SLC66A1: variants seen among roughly 807,000 people sequenced by gnomAD.
The protein encoded by SLC66A1 is lysosomal amino acid transporter 1 homolog.
SLC66A1 carries 23 observed loss-of-function variants against 33.0 expected under a neutral mutation model. The ratio of observed to expected loss-of-function variants is 0.70; its 90% CI spans 0.50 to 0.99. The LOEUF is 0.99. Among genes scored for constraint, SLC66A1 ranks in the 50% least tolerant of loss-of-function variants. The pLI, the probability that SLC66A1 is intolerant of heterozygous loss-of-function variation, is 0.00. For missense variants in SLC66A1, 335 were observed against 383.6 expected, an observed-to-expected ratio of 0.87 and a Z score of 1.06; for synonymous variants, 164 against 175.5, an observed-to-expected ratio of 0.93 and a Z score of 0.52.
In SLC66A1 at chr1:19,317,911, C is replaced by T. The variant is rs2093814426; in HGVS notation, c.164+70C>T. 6 of 1,559,334 alleles carry T rather than the reference C, an allele frequency of 3.8e-6. No homozygotes were observed. In the East Asian group the frequency reaches 6.8e-5, roughly 18 times the overall value. ...TGAGGCAGTGGCTCCAGCTACTGCT[C>T]AGCGAGGGGTTGTCTGGTGGGCCAC... On this transcript the variant is annotated intron_variant, in intron 2 of 7. Coordinates refer to ENST00000375153, the MANE Select transcript of SLC66A1 (RefSeq NM_001040125.2).
chr1:19,328,789 A>C lies in SLC66A1; in HGVS notation c.*146A>C, dbSNP rs1441383379. 2.3e-6 allele frequency: 2 copies of C among 856,346 alleles called. No homozygotes were observed. Among genetic ancestry groups the C allele is most frequent in the Non-Finnish European group, 3.6e-6 (2 of 550,544 alleles). The allele number at this position is 856,346 out of a possible 1,614,324, so 53.0% of individuals were successfully genotyped here. ...CGTGGACCGAACCGTCCCCCCAGGAACACACCTTCAGGTAGACCCCGAAGC... is the reference window on the plus strand; with the variant it reads ...CGTGGACCGAACCGTCCCCCCAGGACCACACCTTCAGGTAGACCCCGAAGC... On this transcript the variant is annotated 3_prime_UTR_variant, in exon 8 of 8. Transcript: ENST00000375153. This position sits in a 1 kb window ranked among gnomAD's most constrained non-coding sequence, Gnocchi z 4.7.
In SLC66A1 at chr1:19,328,993, G is replaced by A. The variant is rs942026508; in HGVS notation, c.*350G>A. 45 of 338,730 alleles carry A rather than the reference G, an allele frequency of 1.3e-4. No homozygotes were observed. Among genetic ancestry groups the A allele is most frequent in the South Asian group, 2.3e-4 (6 of 26,610 alleles). The allele number at this position is 338,730 out of a possible 1,614,324, so 21.0% of individuals were successfully genotyped here. On this transcript the variant is annotated 3_prime_UTR_variant, in exon 8 of 8. Coordinates refer to ENST00000375153, the MANE Select transcript of SLC66A1 (RefSeq NM_001040125.2). The surrounding 1 kb of genome is among the most constrained non-coding windows in gnomAD (Gnocchi z 4.7). ...ATAAACAGGCCGGGTACAGTGGCTC[G>A]CACCTGTAATCCTAGCACTTTGGGA...
At chr1:19,324,603 C>T in intron 2 of SLC66A1, 30 bp from the exon 3 acceptor site, 1 of 1,613,434 alleles carries the variant, frequency 6.2e-7, no homozygotes, top group East Asian at 2.2e-5. Flanking sequence ...GTGGCCTGAG[C>T]ATGCATCCCT....
At chr1:19,325,603 C>G (rs1558151888) in intron 4 of SLC66A1, 21 bp downstream of exon 4, 1 of 1,399,664 alleles carries the variant, frequency 7.1e-7, no homozygotes, top group South Asian at 1.1e-5. Context: ...GGACCGCTCT[C>G]TGTCAGATGC....
downstream of SLC66A1, among the ~76,000 whole-genome samples, chr1:19,330,948 G>C (rs577281076): frequency 1.3e-5 from 2 of 152,364 alleles, no homozygotes; most frequent in South Asian, 2.1e-4. Context: ...GCCATGTGCG[G>C]GCTGCGCCGC....
Position 19,312,861 on chromosome 1 carries a change from A to C in SLC66A1, c.-107A>C, listed in dbSNP as rs916717588. The C allele has an allele frequency of 6.5e-6, 1 of 152,810 alleles. No individual in the cohort carries two copies. Among genetic ancestry groups the C allele is most frequent in the African/African-American group, 2.4e-5 (1 of 41,472 alleles). The allele number at this position is 152,810 out of a possible 1,614,324, so 9.5% of individuals were successfully genotyped here. On this transcript the variant is annotated 5_prime_UTR_variant, in exon 1 of 8. Coordinates refer to ENST00000375153, the MANE Select transcript of SLC66A1 (RefSeq NM_001040125.2). Reference sequence around the variant, plus strand: ...CCAGGTCTGCAGGGACCGAGGGCCTACACTGCCTCCTCCCACGCCGTGCTT... The same window carrying C: ...CCAGGTCTGCAGGGACCGAGGGCCTCCACTGCCTCCTCCCACGCCGTGCTT...
intron 2 of SLC66A1, among the ~76,000 whole-genome samples, chr1:19,319,146 C>T (rs917600808): frequency 6.6e-6 from 1 of 152,208 alleles, no homozygotes; most frequent in Non-Finnish European, 1.5e-5. Context: ...GGAGAGAATT[C>T]GCATTTCATG....
chr1:19,333,210 G>T (rs2152020826), downstream of SLC66A1, among the ~76,000 whole-genome samples: 1 of 152,202 alleles, frequency 6.6e-6, no homozygotes, highest in East Asian at 1.9e-4. The surrounding 1 kb of genome is among the most constrained non-coding windows in gnomAD (Gnocchi z 4.2). Context: ...ATCAAACCTG[G>T]TTTTTTGTTT....
rs2093868405 is a variant in SLC66A1 at position 19,326,556 on chromosome 1, G to A, written c.551G>A (p.Gly184Asp). The A allele has an allele frequency of 6.2e-7, 1 of 1,614,094 alleles. No homozygotes were observed. Among genetic ancestry groups the A allele is most frequent in the South Asian group, 1.1e-5 (1 of 91,088 alleles). Reference sequence around the variant, plus strand: ...CCCTTCACCCGGCAGGAAGTCATTGGCTTCGTCATCGGCTCCATCTCCAGC... The same window carrying A: ...CCCTTCACCCGGCAGGAAGTCATTGACTTCGTCATCGGCTCCATCTCCAGC... The part of the protein sequence containing the change: ...SKPFTRQEVI[G>D]FVIGSISSVL... The change falls in exon 6 of 8, where the codon GGC becomes GAC. Residue 184 changes from glycine to aspartate, a missense_variant. By Grantham distance (94) the Gly-to-Asp change is moderately conservative. Transcript: ENST00000375153.
chr1:19,323,278 G>A (rs1366092641), intron 2 of SLC66A1, among the ~76,000 whole-genome samples: 2 of 152,198 alleles, frequency 1.3e-5, no homozygotes, highest in East Asian at 3.8e-4. Flanking sequence ...TCTGAAAGGA[G>A]GGAGGCTTGT....
chr1:19,325,472 TG>T, intron 3 of SLC66A1, 22 bp from the exon 4 acceptor site: 1 of 1,554,388 alleles, frequency 6.4e-7, no homozygotes, highest in Non-Finnish European at 8.9e-7. Flanking sequence ...CGCCAACCCC[TG>T]GGCCCCCTGC....
intron 2 of SLC66A1, among the ~76,000 whole-genome samples, chr1:19,320,645 G>C (rs1170136345): frequency 6.6e-6 from 1 of 151,730 alleles, no homozygotes; most frequent in Non-Finnish European, 1.5e-5. Flanking sequence ...TCGATTTCCT[G>C]ACCTTGTGAT....
chr1:19,317,183 A>G (rs903079607), intron 1 of SLC66A1, among the ~76,000 whole-genome samples: 18 of 152,190 alleles, frequency 1.2e-4, no homozygotes, highest in African/African-American at 4.3e-4. Flanking sequence ...AGGAAAAGGT[A>G]ACATCGAGGG....
intron 1 of SLC66A1, among the ~76,000 whole-genome samples, chr1:19,317,054 C>T (rs1314006337): frequency 1.3e-5 from 2 of 151,106 alleles, no homozygotes; most frequent in Non-Finnish European, 2.9e-5. Context: ...AGCCATCATT[C>T]GTGGCTACAA....
intron 2 of SLC66A1, among the ~76,000 whole-genome samples, chr1:19,318,491 A>G (rs2093817515): frequency 6.6e-6 from 1 of 152,206 alleles, no homozygotes; most frequent in South Asian, 2.1e-4. Flanking sequence ...TGCTGTGAGG[A>G]TGGCATGAGG....
At chr1:19,326,913 G>A (rs1436735553) in intron 6 of SLC66A1, among the ~76,000 whole-genome samples, 1 of 152,186 alleles carries the variant, frequency 6.6e-6, no homozygotes, top group Non-Finnish European at 1.5e-5. Context: ...TGAGGGGAGA[G>A]GAGAAGCTGG....
chr1:19,321,303 G>A (rs929330758), intron 2 of SLC66A1, among the ~76,000 whole-genome samples: 2 of 145,394 alleles, frequency 1.4e-5, no homozygotes, highest in Admixed American at 1.4e-4. Context: ...AGCCTCTTGA[G>A]TAACTGGGAC....
chr1:19,324,760 C>G lies in SLC66A1; in HGVS notation c.292C>G (p.Gln98Glu), dbSNP rs985564165. ...CTTCCTTGCTGACCAGCTGCCCCTG[C>G]AGGTGGGCCGGTACCCGGGCAAGGT... ...GSFLADQLPL[Q>E]TYTAVYYVLA... The change falls in exon 3 of 8, where the codon CAG becomes GAG. Residue 98 changes from glutamine to glutamate, a missense_variant and splice_region_variant. By Grantham distance (29) the Gln-to-Glu change is conservative. Coordinates refer to ENST00000375153, the MANE Select transcript of SLC66A1 (RefSeq NM_001040125.2). The G allele has an allele frequency of 6.2e-7, 1 of 1,614,064 alleles. No individual in the cohort carries two copies. The highest frequency in any genetic ancestry group is 8.5e-7 in the Non-Finnish European group (1 of 1,179,986).
rs569177720 is a variant in SLC66A1, at chr1:19,319,605, G to GTTTTTTTTTTTTTTTTT, written c.164+1780_164+1781insTTTTTTTTTTTTTTTTT. On this transcript the variant is annotated intron_variant, in intron 2 of 7. Coordinates refer to ENST00000375153, the MANE Select transcript of SLC66A1 (RefSeq NM_001040125.2). ...GATTAATGTTGCTGTGCACATTCAT[G>GTTTTTTTTTTTTTTTTT]TTTTTTTTTTTTTTTTGCCTGGTGC... 2.3e-3 allele frequency among the ~76,000 whole-genome samples: 258 copies of GTTTTTTTTTTTTTTTTT among 111,816 alleles called. 29 individuals are homozygous for GTTTTTTTTTTTTTTTTT. In the East Asian group the frequency reaches 0.035, roughly 15 times the overall value. 73.4% of individuals were successfully genotyped at this position (111,816 alleles called of 152,430 possible).
Sources: gnomAD v4.1 joint callset for allele counts (sites outside exome capture counted in the v4.1 genomes callset) on GRCh38, gnomAD v4.1.1 for gene constraint, Gnocchi (gnomAD v3.1) non-coding constraint, MANE v1.5 for transcripts, NCBI Gene and HGNC (gene_info 2026-07-23, HGNC 2026-07-21) for gene names.